The following SGCD variants were observed in gnomAD, a reference collection of about 807,000 sequenced individuals.
The protein encoded by SGCD is delta-sarcoglycan.
A neutral mutation model predicts 36.6 loss-of-function variants in SGCD; 18 were observed. The observed-to-expected ratio is 0.49, with a 90% CI of 0.34 to 0.73. SGCD has a LOEUF of 0.73. Among genes scored for constraint, SGCD ranks in the 30% least tolerant of loss-of-function variants. SGCD has a pLI of 0.01. For missense variants in SGCD, 387 were observed against 346.7 expected (o/e 1.12, Z -0.92); for synonymous variants, 133 against 130.6 (o/e 1.02, Z -0.12).
At chr5:155,737,179 C>G in the SGCD span, among the ~76,000 whole-genome samples, 10 of 152,154 alleles carry the variant, frequency 6.6e-5, no homozygotes, top group Admixed American at 1.3e-4. Flanking sequence ...TTGAAAAGAG[C>G]TTGGAGAATA....
chr5:155,833,314 C>T, the SGCD span, among the ~76,000 whole-genome samples: 1 of 151,970 alleles, frequency 6.6e-6, no homozygotes, highest in Non-Finnish European at 1.5e-5. Context: ...ATAGACAAAA[C>T]ATTTTATATT....
intron 3 of SGCD, among the ~76,000 whole-genome samples, chr5:156,434,430 C>G (rs6556621): frequency 0.023 from 3,456 of 151,982 alleles, 147 homozygotes; most frequent in African/African-American, 0.078. Flanking sequence ...CCCATTTAAG[C>G]CTTTATTTTT....
the SGCD span, among the ~76,000 whole-genome samples, chr5:155,831,190 T>G: frequency 1.3e-5 from 2 of 152,202 alleles, no homozygotes; most frequent in Non-Finnish European, 2.9e-5. Flanking sequence ...CTTAAGCTAC[T>G]GAGATGAACT....
chr5:156,345,097 A>C (rs1176896252), intron 3 of SGCD, among the ~76,000 whole-genome samples: 1 of 151,932 alleles, frequency 6.6e-6, no homozygotes, highest in Non-Finnish European at 1.5e-5. Context: ...TACTGTGAGC[A>C]TTATCTATCT....
At chr5:156,144,250 C>T (rs957723032) in intron 3 of SGCD, among the ~76,000 whole-genome samples, 2 of 151,960 alleles carry the variant, frequency 1.3e-5, no homozygotes, top group African/African-American at 4.8e-5. Flanking sequence ...TGGGTATATA[C>T]CCAGTAATGG....
intron 1 of SGCD, among the ~76,000 whole-genome samples, chr5:156,090,942 G>C (rs1433464644): frequency 1.3e-5 from 2 of 152,146 alleles, no homozygotes; most frequent in African/African-American, 4.8e-5. Context: ...AGACCTTATG[G>C]TTATTTTTCC....
rs548206802 is a variant in SGCD, at chr5:156,450,043, T to A, written c.193-58558T>A. 2.7e-4 allele frequency among the ~76,000 whole-genome samples: 41 copies of A among 152,158 alleles called. No individual in the cohort carries two copies. In the South Asian group the frequency reaches 7.1e-3, roughly 26 times the overall value. On this transcript the variant is annotated intron_variant, in intron 3 of 8. Coordinates refer to ENST00000337851, the MANE Select transcript of SGCD (RefSeq NM_000337.6). ...GGGAGGAAGGATGTGAGCATCTGGG[T>A]ACAAACTTACTGTGAGCACCCTCCT...
At chr5:156,168,341 T>C (rs1252466861) in intron 3 of SGCD, among the ~76,000 whole-genome samples, 1 of 151,654 alleles carries the variant, frequency 6.6e-6, no homozygotes, top group Non-Finnish European at 1.5e-5. Flanking sequence ...TCACCACTAT[T>C]TTACCAACAT....
chr5:156,570,636 CT>C (rs1258513723), intron 4 of SGCD, among the ~76,000 whole-genome samples: 2 of 152,106 alleles, frequency 1.3e-5, no homozygotes, highest in Admixed American at 1.3e-4. Context: ...ACCCAGCTTT[CT>C]TTTTAACTTT....
chr5:156,099,775 CTT>C (rs1381526475), intron 1 of SGCD, among the ~76,000 whole-genome samples: 2 of 151,916 alleles, frequency 1.3e-5, no homozygotes, highest in Non-Finnish European at 2.9e-5. Context: ...TCAGTAAAAA[CTT>C]ACAAGTAATA....
chr5:156,735,074 GCTGGGGA>G (rs2113029409), intron 7 of SGCD, among the ~76,000 whole-genome samples: 1 of 152,278 alleles, frequency 6.6e-6, no homozygotes, highest in Non-Finnish European at 1.5e-5. Flanking sequence ...GCTGCAGTTT[GCTGGGGA>G]TCCACTCCAG....
chr5:155,849,701 TC>T, the SGCD span, among the ~76,000 whole-genome samples: 1 of 152,214 alleles, frequency 6.6e-6, no homozygotes, highest in African/African-American at 2.4e-5. Flanking sequence ...AGATATATTG[TC>T]TTTGCATTAA....
intron 1 of SGCD, among the ~76,000 whole-genome samples, chr5:155,950,476 C>T (rs967311099): frequency 6.6e-6 from 1 of 152,196 alleles, no homozygotes; most frequent in Non-Finnish European, 1.5e-5. Flanking sequence ...TGAACTTTCA[C>T]TATGGATAAA....
At chr5:156,027,738 A>C (rs187428015) in intron 1 of SGCD, among the ~76,000 whole-genome samples, 32 of 152,332 alleles carry the variant, frequency 2.1e-4, no homozygotes, top group African/African-American at 7.5e-4. Flanking sequence ...TCAACATTTC[A>C]GGTTAAAAGG....
chr5:155,983,758 C>A (rs1459943868), intron 1 of SGCD, among the ~76,000 whole-genome samples: 1 of 152,144 alleles, frequency 6.6e-6, no homozygotes, highest in East Asian at 1.9e-4. Flanking sequence ...CAAATTTGTA[C>A]TGATTGCAAT....
At chr5:155,812,865 C>T in the SGCD span, among the ~76,000 whole-genome samples, 2 of 152,056 alleles carry the variant, frequency 1.3e-5, no homozygotes, top group African/African-American at 2.4e-5. Flanking sequence ...TACCATAGTT[C>T]TAGTTGGGAA....
intron 1 of SGCD, among the ~76,000 whole-genome samples, chr5:156,078,920 A>G (rs927742453): frequency 3.3e-5 from 5 of 151,654 alleles, no homozygotes; most frequent in African/African-American, 9.7e-5. Context: ...TAGCCAAAAT[A>G]CTAAACAATT....
chr5:156,402,018 T>C (rs1206064096), intron 3 of SGCD, among the ~76,000 whole-genome samples: 1 of 152,200 alleles, frequency 6.6e-6, no homozygotes, highest in Non-Finnish European at 1.5e-5. Flanking sequence ...AATCATGCAG[T>C]ATTTGCATTT....
intron 3 of SGCD, among the ~76,000 whole-genome samples, chr5:156,230,101 ACCTTTCTCTGGTGCTTCC>A (rs1338927332): frequency 1.3e-5 from 2 of 151,794 alleles, no homozygotes; most frequent in Admixed American, 6.6e-5. Flanking sequence ...ATTTGGCTTC[ACCTTTCTCTGGTGCTTCC>A]CCTTTCTCTG....
Sources: allele counts gnomAD v4.1 joint callset (sites outside exome capture counted in the v4.1 genomes callset), GRCh38; gene constraint gnomAD v4.1.1; transcripts MANE v1.5; gene names NCBI Gene and HGNC (gene_info 2026-07-23, HGNC 2026-07-21).